The following AKAP9 variants were observed in gnomAD, a reference collection of about 807,000 sequenced individuals.
AKAP9 encodes the protein A-kinase anchoring protein 9.
AKAP9 carries 311 observed loss-of-function variants against 488.5 expected under a neutral mutation model. The ratio of observed to expected loss-of-function variants is 0.64; its 90% confidence interval spans 0.58 to 0.70. The LOEUF is 0.70. AKAP9 is among the 30% of genes least tolerant of loss of function. The pLI is 0.00. For synonymous variants in AKAP9, 1,462 were observed against 1,483.5 expected (o/e 0.99, Z 0.33); for missense variants, 4,215 against 4,374.5 (o/e 0.96, Z 1.03).
rs1027760188 is a variant in AKAP9, at chr7:92,099,863, A to C, written c.10890A>C (p.Arg3630Ser). The C allele has an allele frequency of 1.2e-6, 2 of 1,613,858 alleles. No homozygotes were observed. Among genetic ancestry groups the C allele is most frequent in the African/African-American group, 2.7e-5 (2 of 74,938 alleles). ...GGTATCGACAGACAGGAGCTGGTAGAGATAATGTATGTCCATTTTTAGCAT... is the reference window on the plus strand; with the variant it reads ...GGTATCGACAGACAGGAGCTGGTAGCGATAATGTATGTCCATTTTTAGCAT... ...IRWYRQTGAG[R>S]DNSSRFSLNG... is the part of the protein sequence containing the mutation. The change falls in exon 44 of 50, where the codon AGA becomes AGC. Residue 3630 changes from arginine to serine, a missense_variant. This residue lies in a region of AKAP9 where 74 missense variants were observed against 113.0 expected (regional missense o/e 0.65). Coordinates refer to ENST00000356239, the MANE Select transcript of AKAP9 (RefSeq NM_005751.5).
At chr7:92,081,515 G>A (rs1411136164) in intron 31 of AKAP9, among the ~76,000 whole-genome samples, 1 of 120,674 alleles carries the variant, frequency 8.3e-6, no homozygotes, top group Non-Finnish European at 1.7e-5. Context: ...TTTTTTAGTA[G>A]AGACGAGGTT....
intron 5 of AKAP9, 139 bp downstream of exon 5, chr7:91,993,194 C>CTTCT: frequency 6.0e-6 from 4 of 665,256 alleles, no homozygotes; most frequent in African/African-American, 4.0e-5. Flanking sequence ...TCTTCTTCTT[C>CTTCT]TTTTTTTTTT....
intron 9 of AKAP9, among the ~76,000 whole-genome samples, chr7:92,013,192 C>T (rs959484540): frequency 6.6e-5 from 10 of 150,752 alleles, no homozygotes; most frequent in South Asian, 6.3e-4. Context: ...GGGGTTTCAC[C>T]GTTTTAGCCG....
rs1450368541 is a variant in AKAP9 at position 92,000,844 on chromosome 7, A to G, written c.931-4A>G. On this transcript the variant is annotated splice_polypyrimidine_tract_variant and splice_region_variant and intron_variant, in intron 7 of 49. Coordinates refer to ENST00000356239, the MANE Select transcript of AKAP9 (RefSeq NM_005751.5). ...TTCTTACATTTTCATTTTTTTTCCT[A>G]AAGGAACAAGATAAAAAAGTAGAAA... The G allele has an allele frequency of 8.2e-6, 11 of 1,346,928 alleles. No individual in the cohort carries two copies. The highest frequency in any genetic ancestry group is 2.6e-5 in the East Asian group (1 of 38,686). 83.4% of individuals were successfully genotyped at this position (1,346,928 alleles called of 1,614,324 possible). A position where few individuals can be genotyped will look rare whatever the true frequency, so the allele number is the denominator to read the frequency against.
chr7:92,064,455 ATG>A (rs1186538048), intron 24 of AKAP9, among the ~76,000 whole-genome samples: 2 of 152,168 alleles, frequency 1.3e-5, no homozygotes, highest in Admixed American at 6.5e-5. Flanking sequence ...TCTTCTTTAC[ATG>A]TATTAACTCA....
rs531016913 is a variant in AKAP9, at chr7:91,980,917, A to G, written c.351+584A>G. 2.0e-5 allele frequency among the ~76,000 whole-genome samples: 3 copies of G among 152,172 alleles called. No homozygotes were observed. In the South Asian group the frequency reaches 6.2e-4, roughly 32 times the overall value. ...ACTCCAGAATTTGAGGAGACTATAA[A>G]CTATTCTGTACTCTGAATGGTTTAG... On this transcript the variant is annotated intron_variant, in intron 3 of 49. Coordinates refer to ENST00000356239, the MANE Select transcript of AKAP9 (RefSeq NM_005751.5).
intron 39 of AKAP9, 136 bp downstream of exon 39, chr7:92,093,452 T>C: frequency 1.3e-6 from 1 of 775,520 alleles, no homozygotes; most frequent in South Asian, 1.6e-5. Flanking sequence ...GGAAAAACTA[T>C]AATAGAAAAA....
intron 23 of AKAP9, among the ~76,000 whole-genome samples, chr7:92,061,718 A>G (rs1323533750): frequency 6.6e-6 from 1 of 150,926 alleles, no homozygotes; most frequent in African/African-American, 2.4e-5. Flanking sequence ...CACCATCTTA[A>G]GACAACCCTT....
At chr7:91,971,334 C>T (rs28615927) in intron 1 of AKAP9, among the ~76,000 whole-genome samples, 1 of 151,842 alleles carries the variant, frequency 6.6e-6, no homozygotes, top group Non-Finnish European at 1.5e-5. Flanking sequence ...TTATAAAAAA[C>T]TTTTAATCTT....
intron 18 of AKAP9, 47 bp from the exon 19 acceptor site, chr7:92,041,999 T>G: frequency 1.2e-6 from 2 of 1,601,906 alleles, no homozygotes; most frequent in Non-Finnish European, 1.7e-6. Flanking sequence ...TCTACCCTTT[T>G]TCTCTATCAC....
chr7:91,994,879 AT>A, intron 6 of AKAP9, 103 bp downstream of exon 6: 1 of 1,067,132 alleles, frequency 9.4e-7, no homozygotes, highest in Non-Finnish European at 1.4e-6. Flanking sequence ...GCCATTTCGT[AT>A]TATATCATGT....
intron 1 of AKAP9, among the ~76,000 whole-genome samples, chr7:91,947,344 C>T (rs1467998801): frequency 6.6e-6 from 1 of 151,898 alleles, no homozygotes; most frequent in African/African-American, 2.4e-5. Context: ...ACTTAGCAAG[C>T]ATTTTTTTTT....
At chr7:91,943,991 T>C (rs918487630) in intron 1 of AKAP9, among the ~76,000 whole-genome samples, 1 of 152,202 alleles carries the variant, frequency 6.6e-6, no homozygotes, top group Non-Finnish European at 1.5e-5. Flanking sequence ...AACAGTTCCA[T>C]TGGAAAATTC....
rs199880764 is a variant in AKAP9, at chr7:92,105,707, G to A, written c.11360G>A (p.Arg3787Gln). The A allele has an allele frequency of 8.3e-5, 134 of 1,614,058 alleles. No homozygotes were observed. The highest frequency in any genetic ancestry group is 1.6e-4 in the Middle Eastern group (1 of 6,082). ...AAATTTTTGGTTCGACGGTGGCATC[G>A]AGTCACAGGTTCTGTTTCCATCAAT... ...RMKFLVRRWHRVTGSVSININ... is the reference protein window; with the variant it reads ...RMKFLVRRWHQVTGSVSININ... The change falls in exon 47 of 50, where the codon CGA (arginine) becomes CAA (glutamine). Residue 3787 changes from arginine (R) to glutamine (Q), a missense_variant. Coordinates refer to ENST00000356239, the MANE Select transcript of AKAP9 (RefSeq NM_005751.5).
Position 92,038,527 on chromosome 7 carries a change from C to T in AKAP9, c.4447C>T (p.Gln1483Ter). Residue 1483 changes from glutamine to a stop codon, truncating the protein, a stop_gained, in exon 17 of 50, where the codon CAA becomes TAA. Coordinates refer to ENST00000356239, the MANE Select transcript of AKAP9 (RefSeq NM_005751.5). LOFTEE classifies it high-confidence loss of function. ...AAAGCAAGCACATGCTGTGTGTCAG[C>T]AAGAACAACATTATTTTAATGAAAT... ...SSKQAHAVCQ[Q>*]EQHYFNEMKL... 1 of 1,613,748 alleles carries T rather than the reference C, an allele frequency of 6.2e-7. No homozygotes were observed. The highest frequency in any genetic ancestry group is 8.5e-7 in the Non-Finnish European group (1 of 1,179,804).
At chr7:92,013,181 CGG>C (rs1387819663) in intron 9 of AKAP9, among the ~76,000 whole-genome samples, 50 of 150,254 alleles carry the variant, frequency 3.3e-4, no homozygotes, top group African/African-American at 1.2e-3. Flanking sequence ...TTAGTAGAGA[CGG>C]GGTTTCACCG....
At chr7:91,989,090 A>G (rs1380641311) in intron 3 of AKAP9, among the ~76,000 whole-genome samples, 3 of 152,102 alleles carry the variant, frequency 2.0e-5, no homozygotes, top group African/African-American at 7.2e-5. Context: ...CACTAGAAAT[A>G]CACTTTTCTT....
intron 20 of AKAP9, among the ~76,000 whole-genome samples, chr7:92,043,531 C>A (rs1190217361): frequency 6.6e-6 from 1 of 151,514 alleles, no homozygotes; most frequent in Admixed American, 6.6e-5. Context: ...TTTTTTTTAA[C>A]CACCATATTA....
intron 44 of AKAP9, among the ~76,000 whole-genome samples, chr7:92,100,263 A>T (rs1460672930): frequency 6.6e-6 from 1 of 152,224 alleles, no homozygotes; most frequent in East Asian, 1.9e-4. Flanking sequence ...TCATTTAATT[A>T]TTAGTTATTG....
Sources: allele counts gnomAD v4.1 joint callset (sites outside exome capture counted in the v4.1 genomes callset), GRCh38; gene constraint gnomAD v4.1.1; regional missense constraint gnomAD v4.1.1; transcripts MANE v1.5; gene names NCBI Gene and HGNC (gene_info 2026-07-23, HGNC 2026-07-21).